The following NCOA2 variants were observed in gnomAD, a reference collection of about 807,000 sequenced individuals.
NCOA2 encodes the protein nuclear receptor coactivator 2.
A neutral mutation model predicts 145.1 loss-of-function variants in NCOA2; 21 were observed. The ratio of observed to expected loss-of-function variants is 0.14; its 90% CI spans 0.10 to 0.21. NCOA2 has a LOEUF of 0.21. NCOA2 is among the 10% of genes least tolerant of loss of function. The pLI is 1.00. For synonymous variants in NCOA2, 619 were observed against 637.5 expected, an observed-to-expected ratio of 0.97 and a Z score of 0.44; for missense variants, 1,472 against 1,837.6, an observed-to-expected ratio of 0.80 and a Z score of 3.64.
At position 70,215,586 on chromosome 8, in the gene NCOA2, T is replaced by C. The variant is rs529380527; in HGVS notation, c.86+1074A>G. ...AATACTGGTGTTTTGCCCTTTCTCC[T>C]GCTCTGCCTCTCTTGATGACTTTTC... On this transcript the variant is annotated intron_variant, in intron 3 of 22. Transcript: ENST00000452400. 2.6e-5 allele frequency among the ~76,000 whole-genome samples: 4 copies of C among 152,360 alleles called. No individual in the cohort carries two copies. In the East Asian group the frequency reaches 7.7e-4, roughly 29 times the overall value.
the NCOA2 span, among the ~76,000 whole-genome samples, chr8:70,453,369 G>A: frequency 3.3e-5 from 5 of 152,170 alleles, no homozygotes; most frequent in African/African-American, 7.2e-5. Flanking sequence ...AAATTACCAC[G>A]GACAGGAGTT....
intron 1 of NCOA2, among the ~76,000 whole-genome samples, chr8:70,340,523 G>A (rs922508575): frequency 1.3e-5 from 2 of 152,130 alleles, no homozygotes; most frequent in Non-Finnish European, 2.9e-5. Flanking sequence ...AACCATTGTG[G>A]AAGACAGTGT....
intron 4 of NCOA2, among the ~76,000 whole-genome samples, chr8:70,212,653 G>T (rs1448376054): frequency 6.6e-6 from 1 of 152,192 alleles, no homozygotes; most frequent in Non-Finnish European, 1.5e-5. Flanking sequence ...GCTAGGATTT[G>T]TGACAGATAA....
chr8:70,147,127 CGTGTGT>C (rs1195939923), intron 12 of NCOA2, among the ~76,000 whole-genome samples: 34 of 144,774 alleles, frequency 2.3e-4, no homozygotes, highest in African/African-American at 7.6e-4. Context: ...CGCGCGCGCG[CGTGTGT>C]GTGTGTGTGT....
intron 1 of NCOA2, among the ~76,000 whole-genome samples, chr8:70,382,932 T>C (rs576796955): frequency 6.6e-6 from 1 of 152,378 alleles, no homozygotes; most frequent in South Asian, 2.1e-4. Context: ...ACACAGATGG[T>C]ACTCTGCAGT....
chr8:70,443,796 A>C, the NCOA2 span, among the ~76,000 whole-genome samples: 1 of 152,220 alleles, frequency 6.6e-6, no homozygotes, highest in Non-Finnish European at 1.5e-5. Flanking sequence ...GCTGATTTTG[A>C]ACTCTCGGCC....
chr8:70,289,403 A>G (rs1463442990), intron 2 of NCOA2, among the ~76,000 whole-genome samples: 1 of 152,212 alleles, frequency 6.6e-6, no homozygotes, highest in African/African-American at 2.4e-5. Context: ...CAGTACTCAT[A>G]TCCAACACTG....
intron 1 of NCOA2, among the ~76,000 whole-genome samples, chr8:70,377,943 T>C (rs1055261498): frequency 5.3e-5 from 8 of 152,170 alleles, no homozygotes; most frequent in Non-Finnish European, 7.4e-5. Flanking sequence ...ACTCTGACTC[T>C]GATTTCCATA....
chr8:70,359,031 C>T (rs1358190419), intron 1 of NCOA2, among the ~76,000 whole-genome samples: 5 of 152,148 alleles, frequency 3.3e-5, no homozygotes, highest in African/African-American at 9.7e-5. Context: ...GAGATAACCA[C>T]TTTACACTCC....
At chr8:70,253,002 A>G (rs1386536967) in intron 2 of NCOA2, among the ~76,000 whole-genome samples, 1 of 152,196 alleles carries the variant, frequency 6.6e-6, no homozygotes, top group Admixed American at 6.5e-5. Context: ...CTTCAAGTGT[A>G]CTGTTAAATG....
At chr8:70,289,776 A>C (rs1040726938) in intron 2 of NCOA2, among the ~76,000 whole-genome samples, 8 of 152,166 alleles carry the variant, frequency 5.3e-5, no homozygotes, top group Admixed American at 4.6e-4. Context: ...GACTACATTG[A>C]TTTAAACTGT....
chr8:70,383,057 A>T (rs1290707704), intron 1 of NCOA2, among the ~76,000 whole-genome samples: 1 of 152,196 alleles, frequency 6.6e-6, no homozygotes, highest in Non-Finnish European at 1.5e-5. Flanking sequence ...TTTCATACCC[A>T]CTGCAGAGGC....
chr8:70,212,004 G>C (rs146027671), intron 4 of NCOA2, among the ~76,000 whole-genome samples: 1 of 151,244 alleles, frequency 6.6e-6, no homozygotes, highest in Non-Finnish European at 1.5e-5. Flanking sequence ...TTTATGGTTT[G>C]AAGGGGGAAT....
intron 1 of NCOA2, among the ~76,000 whole-genome samples, chr8:70,315,196 T>C (rs1319246566): frequency 6.6e-6 from 1 of 152,214 alleles, no homozygotes; most frequent in Non-Finnish European, 1.5e-5. Flanking sequence ...TCTTCCTCTT[T>C]TCTTTCAGGT....
At chr8:70,341,398 A>G (rs572498215) in intron 1 of NCOA2, among the ~76,000 whole-genome samples, 1 of 152,134 alleles carries the variant, frequency 6.6e-6, no homozygotes, top group Non-Finnish European at 1.5e-5. Flanking sequence ...AAACAAATTA[A>G]GTAAATAAAA....
the NCOA2 span, among the ~76,000 whole-genome samples, chr8:70,425,883 C>T: frequency 0.13 from 19,242 of 152,090 alleles, 1,462 homozygotes; most frequent in East Asian, 0.32. Flanking sequence ...GCCTGCTCCC[C>T]AGCCTGAGTC....
chr8:70,377,029 T>TG (rs1489639036), intron 1 of NCOA2, among the ~76,000 whole-genome samples: 1 of 150,608 alleles, frequency 6.6e-6, no homozygotes, highest in Admixed American at 6.6e-5. Flanking sequence ...ATGACGATGA[T>TG]GGCTTTTTCT....
chr8:70,358,748 A>G (rs775087977), intron 1 of NCOA2, among the ~76,000 whole-genome samples: 87 of 152,362 alleles, frequency 5.7e-4, no homozygotes, highest in African/African-American at 1.9e-3. Context: ...AACTTTATCA[A>G]AATTTAAAGT....
chr8:70,130,630 A>T (rs920826537), intron 16 of NCOA2, among the ~76,000 whole-genome samples: 1 of 152,156 alleles, frequency 6.6e-6, no homozygotes, highest in African/African-American at 2.4e-5. Flanking sequence ...CACAACTCCC[A>T]CCTGTGTCTG....
Sources: gnomAD v4.1 joint callset for allele counts (sites outside exome capture counted in the v4.1 genomes callset) on GRCh38, gnomAD v4.1.1 for gene constraint, MANE v1.5 for transcripts, NCBI Gene and HGNC (gene_info 2026-07-23, HGNC 2026-07-21) for gene names.